Variants in PIK3IP1 observed in about 807,000 individuals in gnomAD.
The protein encoded by PIK3IP1 is phosphoinositide-3-kinase-interacting protein 1.
Under a neutral mutation model 30.7 loss-of-function variants are expected in PIK3IP1, and 28 were observed. The observed-to-expected ratio is 0.91, with a 90% CI of 0.68 to 1.25. The LOEUF (loss-of-function observed/expected upper bound fraction) is 1.25. PIK3IP1 is among the 50% of genes most tolerant of loss of function. PIK3IP1 has a pLI of 0.00. For missense variants in PIK3IP1, 333 were observed against 346.2 expected (o/e 0.96, Z 0.30); for synonymous variants, 159 against 140.8 (o/e 1.13, Z -0.91).
At chr22:31,289,151 G>A in intron 5 of PIK3IP1, 164 bp downstream of exon 5, 3 of 682,328 alleles carry the variant, frequency 4.4e-6, no homozygotes, top group Non-Finnish European at 7.7e-6. Context: ...GGCACCAAAG[G>A]AAAGGGTTTG....
intron 5 of PIK3IP1, among the ~76,000 whole-genome samples, chr22:31,284,234 G>A (rs1219081118): frequency 1.3e-5 from 2 of 152,218 alleles, no homozygotes; most frequent in African/African-American, 4.8e-5. Flanking sequence ...AAGAAACTGA[G>A]GCTTTTGAGT....
chr22:31,286,043 G>A (rs539289037), intron 5 of PIK3IP1, among the ~76,000 whole-genome samples: 9 of 152,062 alleles, frequency 5.9e-5, no homozygotes, highest in African/African-American at 2.2e-4. Flanking sequence ...CATGGTGGCG[G>A]GTGCCTCTAA....
In PIK3IP1 at chr22:31,290,861, G is replaced by A. The variant is rs1006707384; in HGVS notation, c.307+104C>T. The A allele has an allele frequency of 3.5e-6, 5 of 1,412,832 alleles. No homozygotes were observed. The African/African-American group carries it at 7.6e-5, about 21-fold the overall frequency. The allele number at this position is 1,412,832 out of a possible 1,614,324, so 87.5% of individuals were successfully genotyped here. ...TGGCCAATCGGACGGCGCGGAGGCG[G>A]AGCGGGGCCGGCCGGCATCGCGCGG... is the stretch of plus-strand genomic sequence containing the variant. On this transcript the variant is annotated intron_variant, in intron 3 of 5. Transcript: ENST00000215912.
intron 5 of PIK3IP1, 125 bp from the exon 6 acceptor site, chr22:31,283,413 G>A (rs1384394472): frequency 3.0e-6 from 3 of 998,480 alleles, no homozygotes; most frequent in African/African-American, 3.2e-5. Flanking sequence ...CAGTGGCTGA[G>A]CCAGGACCCA....
chr22:31,291,991 TAGAA>T lies in PIK3IP1; in HGVS notation c.70+280_70+283del, dbSNP rs1294621868. ...GGAGGACCACACCATGCAAAGGGCTTAGAAAGAACAGGACTTGGGGAGTAGGGGA... is the reference window on the plus strand; with the variant it reads ...GGAGGACCACACCATGCAAAGGGCTTAGAACAGGACTTGGGGAGTAGGGGA... On this transcript the variant is annotated intron_variant, in intron 1 of 5. Coordinates refer to ENST00000215912, the MANE Select transcript of PIK3IP1 (RefSeq NM_052880.5). 3.9e-5 allele frequency among the ~76,000 whole-genome samples: 6 copies of T among 152,126 alleles called. No homozygotes were observed. The South Asian group carries it at 6.2e-4, about 16-fold the overall frequency.
chr22:31,290,960 G>C lies in PIK3IP1; in HGVS notation c.307+5C>G. ...GCGGGGATTCCCGGGGTCCCGGGCAGGTACCTGGACAGCGCAGGTCCTCGC... is the reference window on the plus strand; with the variant it reads ...GCGGGGATTCCCGGGGTCCCGGGCACGTACCTGGACAGCGCAGGTCCTCGC... On this transcript the variant is annotated splice_donor_5th_base_variant and intron_variant, in intron 3 of 5. Coordinates refer to ENST00000215912, the MANE Select transcript of PIK3IP1 (RefSeq NM_052880.5). 6.4e-7 allele frequency: 1 copy of C among 1,573,882 alleles called. No homozygotes were observed. Among genetic ancestry groups the C allele is most frequent in the Non-Finnish European group, 8.6e-7 (1 of 1,163,462 alleles).
intron 3 of PIK3IP1, chr22:31,290,613 C>G (rs1181056993): frequency 4.7e-6 from 1 of 210,902 alleles, no homozygotes; most frequent in Non-Finnish European, 9.4e-6. Flanking sequence ...GGTTGGGGAG[C>G]TGGGGTTGTG....
At chr22:31,291,388 C>G in intron 1 of PIK3IP1, 92 bp from the exon 2 acceptor site, 2 of 1,289,464 alleles carry the variant, frequency 1.6e-6, no homozygotes, top group Non-Finnish European at 2.2e-6. Context: ...ACCACCCGGG[C>G]TGAACCTCAG....
chr22:31,288,979 G>C (rs1028522711), intron 5 of PIK3IP1: 1 of 484,930 alleles, frequency 2.1e-6, no homozygotes, highest in African/African-American at 2.0e-5. Context: ...CAGGCATGTG[G>C]GATCAGACAG....
chr22:31,292,124 C>G (rs1312618708), intron 1 of PIK3IP1, 151 bp downstream of exon 1: 3 of 694,422 alleles, frequency 4.3e-6, no homozygotes, highest in Non-Finnish European at 7.4e-6. Flanking sequence ...AAGCCCCTGA[C>G]AAGGAAAGGA....
intron 5 of PIK3IP1, among the ~76,000 whole-genome samples, chr22:31,283,618 AC>A (rs990518278): frequency 3.8e-4 from 58 of 151,178 alleles, no homozygotes; most frequent in African/African-American, 1.3e-3. Context: ...TATGGTTGAG[AC>A]AGGGTCTCAA....
Position 31,292,262 on chromosome 22 carries a change from A to C in PIK3IP1, c.70+13T>G. On this transcript the variant is annotated intron_variant, in intron 1 of 5. Transcript: ENST00000215912. ...CATGAAGTTGCTGCGGAAAGGAAAG[A>C]TTGTAATCTCACCTCCAGATCCATA... 1.9e-6 allele frequency: 3 copies of C among 1,613,516 alleles called. No individual in the cohort carries two copies. The Admixed American group carries it at 5.0e-5, about 27-fold the overall frequency.
At position 31,292,395 on chromosome 22, in the gene PIK3IP1, G is replaced by T; in HGVS notation, c.-51C>A. On this transcript the variant is annotated 5_prime_UTR_variant, in exon 1 of 6. Transcript: ENST00000215912. ...ATTGAACGACCAGTGTTTAACCGAG[G>T]CCCCCTTGGCGGCGGCTCTGCCTCC... 1.3e-6 allele frequency: 2 copies of T among 1,568,074 alleles called. No homozygotes were observed. Among genetic ancestry groups the T allele is most frequent in the Non-Finnish European group, 1.8e-6 (2 of 1,138,492 alleles).
At chr22:31,284,489 G>A (rs568850654) in intron 5 of PIK3IP1, among the ~76,000 whole-genome samples, 130 of 152,298 alleles carry the variant, frequency 8.5e-4, no homozygotes, top group Middle Eastern at 3.4e-3. Context: ...TGCTGTTAAT[G>A]GTGCCTGTGA....
chr22:31,289,975 GC>G, intron 3 of PIK3IP1: 1 of 375,240 alleles, frequency 2.7e-6, no homozygotes, highest in Non-Finnish European at 4.9e-6. Context: ...ATTTCCCAAG[GC>G]CCCTCTCGGT....
At position 31,283,167 on chromosome 22, in the gene PIK3IP1, C is replaced by T. The variant is rs756866650; in HGVS notation, c.709G>A (p.Val237Met). The T allele has an allele frequency of 1.2e-5, 19 of 1,613,992 alleles. No individual in the cohort carries two copies. The highest frequency in any genetic ancestry group is 1.7e-5 in the Admixed American group (1 of 60,002). The change falls in exon 6 of 6, where the codon GTG (valine) becomes ATG (methionine). Residue 237 changes from valine to methionine, a missense_variant. Physicochemically the swap from Val to Met is conservative, Grantham distance 21. Transcript: ENST00000215912. ...ACTGGAGTCTGGCTGGTGTGGACCA[C>T]GACAGTCTTCTCATCCACAATCTCA... ...TCEIVDEKTV[V>M]VHTSQTPVDP...
chr22:31,289,900 G>A (rs2049160685), intron 3 of PIK3IP1: 2 of 527,134 alleles, frequency 3.8e-6, no homozygotes, highest in South Asian at 5.3e-5. Context: ...GCAAATGAGA[G>A]AGGAAGGCCG....
At position 31,284,253 on chromosome 22, in the gene PIK3IP1, C is replaced by T. The variant is rs140506853; in HGVS notation, c.588-965G>A. Among the ~76,000 whole-genome samples the T allele has an allele frequency of 5.8e-3, 883 of 152,342 alleles. 5 individuals are homozygous for T. The highest frequency in any genetic ancestry group is 8.8e-3 in the Non-Finnish European group (598 of 68,032). On this transcript the variant is annotated intron_variant, in intron 5 of 5. Coordinates refer to ENST00000215912, the MANE Select transcript of PIK3IP1 (RefSeq NM_052880.5). ...AACTGAGGCTTTTGAGTTTAACTTCCGCGCCTTGCTTTCCTCAGCAACCTC... is the reference window on the plus strand; with the variant it reads ...AACTGAGGCTTTTGAGTTTAACTTCTGCGCCTTGCTTTCCTCAGCAACCTC...
At position 31,283,334 on chromosome 22, in the gene PIK3IP1, T is replaced by C. The variant is rs771203131; in HGVS notation, c.588-46A>G. On this transcript the variant is annotated intron_variant, in intron 5 of 5. Transcript: ENST00000215912. Reference sequence around the variant, plus strand: ...AAACATTCAGGCTATGCCTCCTGCATAGCTTTGCTCATTAGATAGCATCCC... The same window carrying C: ...AAACATTCAGGCTATGCCTCCTGCACAGCTTTGCTCATTAGATAGCATCCC... 15 of 1,599,938 alleles carry C rather than the reference T, an allele frequency of 9.4e-6. No individual in the cohort carries two copies. The East Asian group carries it at 2.5e-4, about 26-fold the overall frequency.
Sources: allele counts gnomAD v4.1 joint callset (sites outside exome capture counted in the v4.1 genomes callset), GRCh38; gene constraint gnomAD v4.1.1; transcripts MANE v1.5; gene names NCBI Gene and HGNC (gene_info 2026-07-23, HGNC 2026-07-21).